Variants in GLCCI1 observed in about 807,000 individuals in gnomAD.
GLCCI1 encodes the protein glucocorticoid induced 1.
A neutral mutation model predicts 52.2 loss-of-function variants in GLCCI1; 24 were observed. The ratio of observed to expected loss-of-function variants is 0.46; its 90% CI spans 0.33 to 0.65. GLCCI1 has a LOEUF of 0.65. Among genes scored for constraint, GLCCI1 ranks in the 30% least tolerant of loss-of-function variants. The probability of loss-of-function intolerance (pLI) is 0.02; values close to 1 mark genes in which losing one functional copy is unlikely to be tolerated. For missense variants in GLCCI1, 704 were observed against 701.5 expected (o/e 1.00, Z -0.04); for synonymous variants, 310 against 276.5 (o/e 1.12, Z -1.20).
chr7:7,978,897 A>G (rs1156673547), intron 1 of GLCCI1, among the ~76,000 whole-genome samples: 2 of 152,190 alleles, frequency 1.3e-5, no homozygotes, highest in African/African-American at 4.8e-5. Flanking sequence ...ATCATAGTAA[A>G]ATATAGATTG....
intron 2 of GLCCI1, among the ~76,000 whole-genome samples, chr7:8,007,028 A>G (rs1034662760): frequency 1.3e-5 from 2 of 152,168 alleles, no homozygotes; most frequent in African/African-American, 4.8e-5. Flanking sequence ...ACAGCCAGGC[A>G]TGGGCTCATA....
At chr7:8,000,145 T>C (rs1023113060) in intron 1 of GLCCI1, among the ~76,000 whole-genome samples, 1 of 152,180 alleles carries the variant, frequency 6.6e-6, no homozygotes, top group Non-Finnish European at 1.5e-5. Flanking sequence ...AAATGTCGGC[T>C]TTGCCTCTCA....
chr7:7,969,313 C>T lies in GLCCI1; in HGVS notation c.-38C>T. ...TCGCGCGCCTCCCGCCCCGCGCCTCCGTGTCGGCCGGCGGCGTCCAGGGCC... is the reference window on the plus strand; with the variant it reads ...TCGCGCGCCTCCCGCCCCGCGCCTCTGTGTCGGCCGGCGGCGTCCAGGGCC... On this transcript the variant is annotated 5_prime_UTR_variant, in exon 1 of 8. Transcript: ENST00000223145. This position sits in a 1 kb window ranked among gnomAD's most constrained non-coding sequence, Gnocchi z 4.9. 4.3e-6 allele frequency: 6 copies of T among 1,403,350 alleles called. No individual in the cohort carries two copies. Among genetic ancestry groups the T allele is most frequent in the South Asian group, 4.1e-5 (3 of 73,880 alleles). 86.9% of individuals were successfully genotyped at this position (1,403,350 alleles called of 1,614,324 possible).
intron 2 of GLCCI1, among the ~76,000 whole-genome samples, chr7:8,013,136 G>A (rs1781303418): frequency 6.6e-6 from 1 of 152,046 alleles, no homozygotes; most frequent in South Asian, 2.1e-4. Context: ...GTGCCTTGTG[G>A]CTTTTTGCAT....
intron 3 of GLCCI1, among the ~76,000 whole-genome samples, chr7:8,050,552 T>A (rs1303443251): frequency 1.3e-5 from 2 of 152,184 alleles, no homozygotes; most frequent in African/African-American, 4.8e-5. Context: ...AAAGAAGAGA[T>A]TAACAGCTTG....
At chr7:8,041,122 TCAAA>T (rs1562438934) in intron 3 of GLCCI1, among the ~76,000 whole-genome samples, 1 of 152,110 alleles carries the variant, frequency 6.6e-6, no homozygotes, top group Non-Finnish European at 1.5e-5. Context: ...AAAATTCTAC[TCAAA>T]CAAACACAAG....
chr7:8,006,371 AAG>A (rs1350074649), intron 2 of GLCCI1, among the ~76,000 whole-genome samples: 1 of 152,158 alleles, frequency 6.6e-6, no homozygotes, highest in Non-Finnish European at 1.5e-5. Flanking sequence ...TTTGAGAGTT[AAG>A]AGAGTGATGT....
At chr7:8,005,962 C>T (rs962926719) in intron 2 of GLCCI1, among the ~76,000 whole-genome samples, 2 of 152,018 alleles carry the variant, frequency 1.3e-5, no homozygotes, top group African/African-American at 2.4e-5. Context: ...CCATGCCCAG[C>T]CAAGTTTTTG....
chr7:8,029,438 G>A (rs1304065121), intron 3 of GLCCI1, among the ~76,000 whole-genome samples: 3 of 152,086 alleles, frequency 2.0e-5, no homozygotes, highest in Non-Finnish European at 2.9e-5. Flanking sequence ...GCTGTAGAAG[G>A]AATATACCTC....
rs772406919 is a variant in GLCCI1, at chr7:8,084,991, G to A, written c.1272G>A (p.Glu424=). The change falls in exon 7 of 8, where the codon GAG becomes GAA. Residue 424 remains glutamate (E), a synonymous_variant. Coordinates refer to ENST00000223145, the MANE Select transcript of GLCCI1 (RefSeq NM_138426.4). Reference sequence around the variant, plus strand: ...AACGGGAGCCCCCAGAGGGATGTGAGCGAGTGAAGGTCTTTGAGGAAATGG... The same window carrying A: ...AACGGGAGCCCCCAGAGGGATGTGAACGAGTGAAGGTCTTTGAGGAAATGG... The part of the protein sequence containing the change: ...MFKREPPEGC[E]RVKVFEEMAS... 4 of 1,614,014 alleles carry A rather than the reference G, an allele frequency of 2.5e-6. No homozygotes were observed. Among genetic ancestry groups the A allele is most frequent in the African/African-American group, 1.3e-5 (1 of 74,942 alleles).
chr7:8,022,447 A>C, intron 2 of GLCCI1, 36 bp from the exon 3 acceptor site: 1 of 1,194,888 alleles, frequency 8.4e-7, no homozygotes, highest in Non-Finnish European at 1.1e-6. Flanking sequence ...GTAGAGATAA[A>C]ATTTCTTATT....
chr7:8,073,379 C>T (rs979586544), intron 6 of GLCCI1, among the ~76,000 whole-genome samples: 3 of 152,110 alleles, frequency 2.0e-5, no homozygotes, highest in Non-Finnish European at 2.9e-5. Context: ...TGAATTCTGA[C>T]CATTTCTTAG....
chr7:7,978,393 C>A (rs1780539585), intron 1 of GLCCI1, among the ~76,000 whole-genome samples: 1 of 152,120 alleles, frequency 6.6e-6, no homozygotes, highest in Non-Finnish European at 1.5e-5. Context: ...ACAACACTGT[C>A]ATGGCAAAGC....
intron 1 of GLCCI1, among the ~76,000 whole-genome samples, chr7:7,977,467 G>A (rs1271007644): frequency 6.6e-6 from 1 of 152,166 alleles, no homozygotes; most frequent in African/African-American, 2.4e-5. Context: ...CAAATGAAAG[G>A]CCAAAGCAAT....
rs1783116852 is a variant in GLCCI1 at position 8,086,835 on chromosome 7, G to T, written c.*297G>T. 1 of 276,242 alleles carries T rather than the reference G, an allele frequency of 3.6e-6. No homozygotes were observed. Among genetic ancestry groups the T allele is most frequent in the Non-Finnish European group, 6.8e-6 (1 of 147,378 alleles). 17.1% of individuals were successfully genotyped at this position (276,242 alleles called of 1,614,324 possible). A position where few individuals can be genotyped will look rare whatever the true frequency, so the allele number is the denominator to read the frequency against. On this transcript the variant is annotated 3_prime_UTR_variant, in exon 8 of 8. Coordinates refer to ENST00000223145, the MANE Select transcript of GLCCI1 (RefSeq NM_138426.4). This position sits in a 1 kb window ranked among gnomAD's most constrained non-coding sequence, Gnocchi z 4.4. ...CCTGTGTTTTGTTCCAGATTCTTCAGTATAAATAAGCTCTATATCAAAAAG... is the reference window on the plus strand; with the variant it reads ...CCTGTGTTTTGTTCCAGATTCTTCATTATAAATAAGCTCTATATCAAAAAG...
intron 4 of GLCCI1, among the ~76,000 whole-genome samples, chr7:8,057,581 A>G (rs1441121099): frequency 1.3e-5 from 2 of 152,126 alleles, no homozygotes. Context: ...GAGGGTTCTA[A>G]AAGTGACTAT....
At chr7:8,027,960 A>G (rs548828121) in intron 3 of GLCCI1, among the ~76,000 whole-genome samples, 112 of 152,350 alleles carry the variant, frequency 7.4e-4, no homozygotes, top group Non-Finnish European at 9.9e-4. Flanking sequence ...AGGTGTATAA[A>G]GCAAATATTA....
chr7:8,033,098 A>T (rs186850274), intron 3 of GLCCI1, among the ~76,000 whole-genome samples: 16 of 152,192 alleles, frequency 1.1e-4, no homozygotes, highest in Non-Finnish European at 5.9e-5. Flanking sequence ...ATGGTTTAAC[A>T]TCAGAAAATT....
intron 6 of GLCCI1, among the ~76,000 whole-genome samples, chr7:8,077,218 C>G (rs1271598668): frequency 6.6e-6 from 1 of 152,180 alleles, no homozygotes; most frequent in Non-Finnish European, 1.5e-5. Flanking sequence ...AAAAGGGAAT[C>G]TGTTGGAGTT....
Sources: gnomAD v4.1 joint callset for allele counts (sites outside exome capture counted in the v4.1 genomes callset) on GRCh38, gnomAD v4.1.1 for gene constraint, Gnocchi (gnomAD v3.1) non-coding constraint, MANE v1.5 for transcripts, NCBI Gene and HGNC (gene_info 2026-07-23, HGNC 2026-07-21) for gene names.